Variants in MYT1L observed in about 807,000 individuals in gnomAD.
MYT1L encodes myelin transcription factor 1-like protein.
In MYT1L, 12 loss-of-function variants were observed where a neutral mutation model predicts 126.7. The observed-to-expected ratio is 0.09, with a 90% confidence interval of 0.06 to 0.15. The LOEUF (loss-of-function observed/expected upper bound fraction) is 0.15. Among genes scored for constraint, MYT1L ranks in the 10% least tolerant of loss-of-function variants. The pLI is 1.00. For missense variants in MYT1L, 979 were observed against 1,585.2 expected, an observed-to-expected ratio of 0.62 and a Z score of 6.49; for synonymous variants, 541 against 604.2, an observed-to-expected ratio of 0.90 and a Z score of 1.53.
chr2:2,061,041 T>G (rs1013610859), intron 3 of MYT1L, among the ~76,000 whole-genome samples: 4 of 152,174 alleles, frequency 2.6e-5, no homozygotes, highest in Admixed American at 6.5e-5. Flanking sequence ...CTTTTAACAT[T>G]TAAAGAATCA....
Position 2,323,216 on chromosome 2 carries a change from AT to A in MYT1L, c.-521+7750del, listed in dbSNP as rs577664177. 4.6e-5 allele frequency among the ~76,000 whole-genome samples: 7 copies of A among 152,082 alleles called. No individual in the cohort carries two copies. The South Asian group carries it at 8.3e-4, about 18-fold the overall frequency. Reference sequence around the variant, plus strand: ...GTTTCTTTCTTTTTTGAAAAGATATATTTTTTTAAACAGAAAATTTTCCCCT... The same window carrying A: ...GTTTCTTTCTTTTTTGAAAAGATATATTTTTTAAACAGAAAATTTTCCCCT... On this transcript the variant is annotated intron_variant, in intron 1 of 24. Coordinates refer to ENST00000647738, the MANE Select transcript of MYT1L (RefSeq NM_001303052.2).
intron 5 of MYT1L, among the ~76,000 whole-genome samples, chr2:1,987,437 G>A (rs1266172928): frequency 6.6e-6 from 1 of 151,998 alleles, no homozygotes; most frequent in African/African-American, 2.4e-5. Flanking sequence ...GTTTCCATGG[G>A]AGGGGCAGCC....
At chr2:2,209,948 A>G (rs1166320075) in intron 2 of MYT1L, among the ~76,000 whole-genome samples, 9 of 152,142 alleles carry the variant, frequency 5.9e-5, no homozygotes, top group Non-Finnish European at 2.9e-5. Context: ...TCTCTCCAGC[A>G]TTTGTTATTG....
At chr2:2,277,239 G>A (rs900340689) in intron 2 of MYT1L, among the ~76,000 whole-genome samples, 1 of 152,076 alleles carries the variant, frequency 6.6e-6, no homozygotes, top group African/African-American at 2.4e-5. Context: ...CAAAGTGCTG[G>A]GATTACAGGC....
At chr2:2,027,014 C>G (rs988842335) in intron 4 of MYT1L, among the ~76,000 whole-genome samples, 2 of 152,164 alleles carry the variant, frequency 1.3e-5, no homozygotes, top group African/African-American at 2.4e-5. Context: ...AGCGTCCAGG[C>G]GGGGGCACAT....
intron 2 of MYT1L, among the ~76,000 whole-genome samples, chr2:2,280,933 T>G (rs896085472): frequency 6.6e-6 from 1 of 152,188 alleles, no homozygotes; most frequent in Admixed American, 6.5e-5. Context: ...GGTGCGGCCA[T>G]AGGGGACACA....
At chr2:1,954,953 AAGAG>A (rs897831226) in intron 8 of MYT1L, among the ~76,000 whole-genome samples, 1 of 151,564 alleles carries the variant, frequency 6.6e-6, no homozygotes, top group African/African-American at 2.4e-5. Context: ...GAAAGAGAAA[AAGAG>A]AGAGAGAGAA....
intron 4 of MYT1L, among the ~76,000 whole-genome samples, chr2:2,045,726 T>A (rs1246604673): frequency 1.3e-5 from 2 of 152,200 alleles, no homozygotes; most frequent in Non-Finnish European, 2.9e-5. Flanking sequence ...GACCTATATT[T>A]TTCTGCCTCA....
chr2:2,296,738 T>C (rs1317438628), intron 1 of MYT1L, among the ~76,000 whole-genome samples: 7 of 152,018 alleles, frequency 4.6e-5, no homozygotes, highest in African/African-American at 1.7e-4. Context: ...GCACCATGCG[T>C]CCCTCTAGTA....
chr2:1,809,166 A>G lies in MYT1L; in HGVS notation c.3082T>C (p.Leu1028=). ...GACGTGGCTCTCGGGCATCCTGACA[A>G]GCTGTGGACAAGACACAGGACGGCC... ...VSGSFLTHRS[L]SGCPRATSAM... Residue 1028 remains leucine, a splice_region_variant and synonymous_variant, in exon 22 of 25, where the codon TTG becomes CTG. Coordinates refer to ENST00000647738, the MANE Select transcript of MYT1L (RefSeq NM_001303052.2). The G allele has an allele frequency of 6.2e-7, 1 of 1,614,000 alleles. No homozygotes were observed. Among genetic ancestry groups the G allele is most frequent in the Non-Finnish European group, 8.5e-7 (1 of 1,179,860 alleles).
intron 8 of MYT1L, among the ~76,000 whole-genome samples, chr2:1,944,500 C>T (rs2149271547): frequency 6.6e-6 from 1 of 151,932 alleles, no homozygotes; most frequent in South Asian, 2.1e-4. Context: ...CTCTCACTGG[C>T]CCATTATTCT....
Position 1,917,872 on chromosome 2 carries a change from G to A in MYT1L, c.1484-533C>T, listed in dbSNP as rs1268755299. ...TCCGGAGGTCAAGTGACATTGTTTCGTAGCACACCAATTCAGCGCTTTTCT... is the reference window on the plus strand; with the variant it reads ...TCCGGAGGTCAAGTGACATTGTTTCATAGCACACCAATTCAGCGCTTTTCT... On this transcript the variant is annotated intron_variant, in intron 10 of 24. Transcript: ENST00000647738. This position sits in a 1 kb window ranked among gnomAD's most constrained non-coding sequence, Gnocchi z 5.9. 2.0e-4 allele frequency among the ~76,000 whole-genome samples: 30 copies of A among 152,122 alleles called. 1 individual carries two copies. The highest frequency in any genetic ancestry group is 1.7e-3 in the Admixed American group (26 of 15,270).
At position 1,910,584 on chromosome 2, in the gene MYT1L, A is replaced by T. The variant is rs1188342982; in HGVS notation, c.1710-237T>A. ...AATGCTGGCGGCAGTGCTATGTGTGAGGTGTATTCAATCCTTCCCAATGAG... is the reference window on the plus strand; with the variant it reads ...AATGCTGGCGGCAGTGCTATGTGTGTGGTGTATTCAATCCTTCCCAATGAG... On this transcript the variant is annotated intron_variant, in intron 12 of 24. Coordinates refer to ENST00000647738, the MANE Select transcript of MYT1L (RefSeq NM_001303052.2). The surrounding 1 kb of genome is among the most constrained non-coding windows in gnomAD (Gnocchi z 4.8). Among the ~76,000 whole-genome samples, 2 of 152,074 alleles carry T rather than the reference A, an allele frequency of 1.3e-5. No homozygotes were observed. Among genetic ancestry groups the T allele is most frequent in the African/African-American group, 4.8e-5 (2 of 41,410 alleles).
chr2:2,315,283 C>G (rs1434986461), intron 1 of MYT1L, among the ~76,000 whole-genome samples: 1 of 151,908 alleles, frequency 6.6e-6, no homozygotes, highest in East Asian at 1.9e-4. Context: ...TACAGACATT[C>G]AGTAAATAAG....
At chr2:2,077,163 A>G (rs1025536061) in intron 3 of MYT1L, among the ~76,000 whole-genome samples, 1 of 152,020 alleles carries the variant, frequency 6.6e-6, no homozygotes. Context: ...AGAGACAGAG[A>G]AAAAAAAGAA....
chr2:2,068,862 T>TA (rs1450826668), intron 3 of MYT1L, among the ~76,000 whole-genome samples: 1 of 145,218 alleles, frequency 6.9e-6, no homozygotes, highest in Non-Finnish European at 1.5e-5. Flanking sequence ...CACAATTACT[T>TA]AGCTATTATT....
In MYT1L at chr2:1,801,525, T is replaced by G. The variant is rs914115504; in HGVS notation, c.3276+171A>C. The G allele has an allele frequency of 1.8e-6, 1 of 544,202 alleles. No individual in the cohort carries two copies. The highest frequency in any genetic ancestry group is 3.2e-6 in the Non-Finnish European group (1 of 309,288). 33.7% of individuals were successfully genotyped at this position (544,202 alleles called of 1,614,324 possible). A position where few individuals can be genotyped will look rare whatever the true frequency, so the allele number is the denominator to read the frequency against. On this transcript the variant is annotated intron_variant, in intron 23 of 24. Transcript: ENST00000647738. The surrounding 1 kb of genome is among the most constrained non-coding windows in gnomAD (Gnocchi z 4.2). ...CCACGGCCCCTGCTACAGCGAACAC[T>G]GCCACGGAATGGTGTCTGCGGAAGA...
intron 3 of MYT1L, among the ~76,000 whole-genome samples, chr2:2,132,262 T>C (rs1369875455): frequency 6.6e-6 from 1 of 152,092 alleles, no homozygotes; most frequent in African/African-American, 2.4e-5. Context: ...CGTTCTACTA[T>C]AAAGACACAT....
chr2:2,190,717 A>C (rs2092544456), intron 2 of MYT1L, among the ~76,000 whole-genome samples: 1 of 152,192 alleles, frequency 6.6e-6, no homozygotes, highest in African/African-American at 2.4e-5. Flanking sequence ...GTTCATACTC[A>C]GAATAGGTGA....
Sources: allele counts gnomAD v4.1 joint callset (sites outside exome capture counted in the v4.1 genomes callset), GRCh38; gene constraint gnomAD v4.1.1; non-coding constraint Gnocchi (gnomAD v3.1); transcripts MANE v1.5; gene names NCBI Gene and HGNC (gene_info 2026-07-23, HGNC 2026-07-21).